The following WDR35 variants were observed in gnomAD, a reference collection of about 807,000 sequenced individuals.
WDR35 encodes the protein WD repeat domain 35, also known as WD repeat-containing protein 35.
A neutral mutation model predicts 158.3 loss-of-function variants in WDR35; 118 were observed. The observed-to-expected ratio is 0.75, with a 90% confidence interval of 0.64 to 0.87. The LOEUF (loss-of-function observed/expected upper bound fraction) is 0.87. Ranked by LOEUF, WDR35 falls within the 40% of genes least tolerant of loss-of-function variation. The probability of loss-of-function intolerance (pLI) is 0.00; values close to 1 mark genes in which losing one functional copy is unlikely to be tolerated. For missense variants in WDR35, 1,263 were observed against 1,405.8 expected (o/e 0.90, Z 1.62); for synonymous variants, 448 against 476.1 (o/e 0.94, Z 0.77).
At chr2:19,987,118 G>T (rs1672590429) in intron 2 of WDR35, among the ~76,000 whole-genome samples, 2 of 152,176 alleles carry the variant, frequency 1.3e-5, no homozygotes, top group Non-Finnish European at 2.9e-5. Flanking sequence ...GGACGTAGAG[G>T]ATTGCTGTAT....
chr2:19,936,188 A>C (rs759902675), intron 20 of WDR35, 31 bp downstream of exon 20: 2 of 1,613,502 alleles, frequency 1.2e-6, no homozygotes, highest in East Asian at 4.5e-5. Context: ...TGTTGCATGA[A>C]TGCTTGAGGA....
At position 19,942,761 on chromosome 2, in the gene WDR35, G is replaced by T. The variant is rs148400036; in HGVS notation, c.1846-922C>A. On this transcript the variant is annotated intron_variant, in intron 16 of 26. Transcript: ENST00000281405. ...TTCAGATTTTAAAAATTCAACTTCT[G>T]CTGGAATTAACCAATTTTCTTTAGT... Among the ~76,000 whole-genome samples, 607 of 152,190 alleles carry T rather than the reference G, an allele frequency of 4.0e-3. 4 individuals are homozygous for T. Among genetic ancestry groups the T allele is most frequent in the Non-Finnish European group, 7.3e-3 (497 of 67,974 alleles).
chr2:19,936,124 G>T, intron 20 of WDR35, 95 bp downstream of exon 20: 1 of 1,557,480 alleles, frequency 6.4e-7, no homozygotes. Context: ...TCAAGAAAAT[G>T]ATCTTCATTT....
At position 19,983,555 on chromosome 2, in the gene WDR35, CAT is replaced by C. The variant is rs528020252; in HGVS notation, c.143-1023_143-1022del. ...GCTTAGAAATCTGTTACACATAAAA[CAT>C]AGCATTTAAAATTTTCATTTAAAAT... On this transcript the variant is annotated intron_variant, in intron 2 of 26. Transcript: ENST00000281405. 3.0e-4 allele frequency among the ~76,000 whole-genome samples: 46 copies of C among 152,250 alleles called. No individual in the cohort carries two copies. The South Asian group carries it at 4.4e-3, about 14-fold the overall frequency.
intron 25 of WDR35, among the ~76,000 whole-genome samples, chr2:19,926,858 T>C (rs1015381022): frequency 1.3e-5 from 2 of 152,064 alleles, no homozygotes; most frequent in Non-Finnish European, 2.9e-5. Context: ...TGAAACCTTA[T>C]CATGAGCCAG....
chr2:19,952,465 C>T (rs1671270510), intron 12 of WDR35, among the ~76,000 whole-genome samples: 1 of 152,208 alleles, frequency 6.6e-6, no homozygotes, highest in African/African-American at 2.4e-5. Flanking sequence ...ATATCCCAGA[C>T]AGAAACATAA....
At chr2:19,923,013 T>C (rs1032171978) in intron 25 of WDR35, among the ~76,000 whole-genome samples, 3 of 152,238 alleles carry the variant, frequency 2.0e-5, no homozygotes, top group African/African-American at 7.2e-5. Context: ...GACCCATCCC[T>C]TTATTTCAGC....
At chr2:19,953,101 A>G (rs923168485) in intron 12 of WDR35, among the ~76,000 whole-genome samples, 1 of 152,220 alleles carries the variant, frequency 6.6e-6, no homozygotes, top group South Asian at 2.1e-4. Flanking sequence ...GTCCCCATTA[A>G]GAATCCTTAG....
chr2:19,948,247 CAACA>C, intron 13 of WDR35, 30 bp from the exon 14 acceptor site: 1 of 1,591,384 alleles, frequency 6.3e-7, no homozygotes, highest in Non-Finnish European at 8.6e-7. Context: ...CATTACTATT[CAACA>C]AACATTTATT....
rs1672089568 is a variant in WDR35 at position 19,973,441 on chromosome 2, A to C, written c.882+122T>G. 8.2e-6 allele frequency: 9 copies of C among 1,095,388 alleles called. No individual in the cohort carries two copies. In the South Asian group the frequency reaches 1.3e-4, roughly 15 times the overall value. 67.9% of individuals were successfully genotyped at this position (1,095,388 alleles called of 1,614,324 possible). On this transcript the variant is annotated intron_variant, in intron 8 of 26. Coordinates refer to ENST00000281405, the MANE Select transcript of WDR35 (RefSeq NM_020779.4). ...AATACAACAAAGATTTATACTATGAAGATGAAATGTCCCTAAAAGAAAATG... is the reference window on the plus strand; with the variant it reads ...AATACAACAAAGATTTATACTATGACGATGAAATGTCCCTAAAAGAAAATG...
At chr2:19,916,863 G>A (rs185971783) in intron 25 of WDR35, among the ~76,000 whole-genome samples, 32 of 152,344 alleles carry the variant, frequency 2.1e-4, no homozygotes, top group African/African-American at 7.5e-4. Context: ...AACCAGCACA[G>A]TGTTCAAGCT....
intron 16 of WDR35, among the ~76,000 whole-genome samples, chr2:19,943,102 G>T (rs1670930177): frequency 1.3e-5 from 2 of 152,014 alleles, no homozygotes; most frequent in South Asian, 4.1e-4. Flanking sequence ...CCTAATTTTA[G>T]CTAACTCTCA....
chr2:19,916,510 C>T (rs1669996055), intron 25 of WDR35, among the ~76,000 whole-genome samples: 2 of 152,212 alleles, frequency 1.3e-5, no homozygotes, highest in South Asian at 4.1e-4. Flanking sequence ...TCATGGTTAG[C>T]ACAGCAGTTT....
rs547951634 is a variant in WDR35, at chr2:19,915,915, C to T, written c.3122-1638G>A. ...TAGCCAGGGCAACAGAGCGAGACTCCATCTAAAAAAAAAAAAAAAAAAAAA... is the reference window on the plus strand; with the variant it reads ...TAGCCAGGGCAACAGAGCGAGACTCTATCTAAAAAAAAAAAAAAAAAAAAA... On this transcript the variant is annotated intron_variant, in intron 25 of 26. Coordinates refer to ENST00000281405, the MANE Select transcript of WDR35 (RefSeq NM_020779.4). Among the ~76,000 whole-genome samples, 87 of 113,352 alleles carry T rather than the reference C, an allele frequency of 7.7e-4. No homozygotes were observed. In the East Asian group the frequency reaches 0.015, roughly 19 times the overall value. 74.4% of individuals were successfully genotyped at this position (113,352 alleles called of 152,430 possible). A position where few individuals can be genotyped will look rare whatever the true frequency, so the allele number is the denominator to read the frequency against.
Position 19,946,573 on chromosome 2 carries a change from A to G in WDR35, c.1525-3T>C, listed in dbSNP as rs1671061840. On this transcript the variant is annotated splice_region_variant and splice_polypyrimidine_tract_variant and intron_variant, in intron 14 of 26. Coordinates refer to ENST00000281405, the MANE Select transcript of WDR35 (RefSeq NM_020779.4). ...TGAATGGTGCCAGATTCACGACCCTATGGAAATTACTTTTGATTACTTAAG... is the reference window on the plus strand; with the variant it reads ...TGAATGGTGCCAGATTCACGACCCTGTGGAAATTACTTTTGATTACTTAAG... 1 of 1,612,800 alleles carries G rather than the reference A, an allele frequency of 6.2e-7. No homozygotes were observed.
At chr2:19,961,442 T>C (rs372627863) in intron 10 of WDR35, among the ~76,000 whole-genome samples, 6 of 152,342 alleles carry the variant, frequency 3.9e-5, no homozygotes, top group South Asian at 2.1e-4. Flanking sequence ...TTAAGCCAAC[T>C]TTCCACTCAA....
chr2:19,988,887 A>G (rs1391130854), intron 2 of WDR35, among the ~76,000 whole-genome samples: 1 of 152,238 alleles, frequency 6.6e-6, no homozygotes, highest in African/African-American at 2.4e-5. Flanking sequence ...CTAATAATAT[A>G]GTACAATAAT....
Position 19,937,825 on chromosome 2 carries a change from C to T in WDR35, c.2185G>A (p.Glu729Lys), listed in dbSNP as rs1184474196. 6.2e-7 allele frequency: 1 copy of T among 1,614,042 alleles called. No homozygotes were observed. Among genetic ancestry groups the T allele is most frequent in the African/African-American group, 1.3e-5 (1 of 74,930 alleles). Residue 729 changes from glutamate to lysine, a missense_variant, in exon 19 of 27, where the codon GAG becomes AAG. Coordinates refer to ENST00000281405, the MANE Select transcript of WDR35 (RefSeq NM_020779.4). ...ACAACTTCAGCCTGTTTCATTGACTCACTCAGTAGTTTGCCCAAGCGCTTC... is the reference window on the plus strand; with the variant it reads ...ACAACTTCAGCCTGTTTCATTGACTTACTCAGTAGTTTGCCCAAGCGCTTC... ...FVKRLGKLLS[E>K]SMKQAEVVGY...
Position 19,911,095 on chromosome 2 carries a change from G to A in WDR35, c.*2463C>T, listed in dbSNP as rs3731661. 0.084 allele frequency: 12,713 copies of A among 152,138 alleles called. 745 individuals are homozygous for A. Among genetic ancestry groups the A allele is most frequent in the East Asian group, 0.23 (1,205 of 5,164 alleles). The allele number at this position is 152,138 out of a possible 1,614,324, so 9.4% of individuals were successfully genotyped here. The stretch of plus-strand genomic sequence containing the variant: ...ACTTAGGATCTACCTGGAATAATTC[G>A]TTGGTGGGAAAATTCTAGGGCTCAG... On this transcript the variant is annotated 3_prime_UTR_variant, in exon 27 of 27. Transcript: ENST00000281405.
Sources: gnomAD v4.1 joint callset for allele counts (sites outside exome capture counted in the v4.1 genomes callset) on GRCh38, gnomAD v4.1.1 for gene constraint, MANE v1.5 for transcripts, NCBI Gene and HGNC (gene_info 2026-07-23, HGNC 2026-07-21) for gene names.